Variants in KYNU observed in about 807,000 individuals in gnomAD.
KYNU encodes kynureninase, also known as L-kynurenine hydrolase.
A neutral mutation model predicts 59.2 loss-of-function variants in KYNU; 54 were observed. The ratio of observed to expected loss-of-function variants is 0.91; its 90% CI spans 0.73 to 1.14. The LOEUF is 1.14. Among genes scored for constraint, KYNU ranks in the 50% most tolerant of loss-of-function variants. The probability of loss-of-function intolerance (pLI) is 0.00; values close to 1 mark genes in which losing one functional copy is unlikely to be tolerated. For synonymous variants in KYNU, 177 were observed against 192.0 expected, an observed-to-expected ratio of 0.92 and a Z score of 0.65; for missense variants, 567 against 554.4, an observed-to-expected ratio of 1.02 and a Z score of -0.23.
chr2:142,878,135 A>G (rs1288234142), intron 1 of KYNU, among the ~76,000 whole-genome samples: 2 of 152,184 alleles, frequency 1.3e-5, no homozygotes, highest in African/African-American at 2.4e-5. Context: ...TAATTGTCTT[A>G]TGCTGCTAGT....
chr2:143,012,156 A>G (rs917641848), intron 10 of KYNU, among the ~76,000 whole-genome samples: 1 of 152,080 alleles, frequency 6.6e-6, no homozygotes. Context: ...GTTTCCTGCG[A>G]CAAAGGAGAA....
At chr2:142,940,112 A>ATATT (rs1320095036) in intron 4 of KYNU, among the ~76,000 whole-genome samples, 7 of 152,036 alleles carry the variant, frequency 4.6e-5, no homozygotes, top group Non-Finnish European at 2.9e-5. Context: ...AGTGTGCGAA[A>ATATT]TATTTGTGTA....
chr2:143,030,630 A>G (rs1686710897), intron 11 of KYNU, among the ~76,000 whole-genome samples: 6 of 152,006 alleles, frequency 3.9e-5, no homozygotes, highest in Admixed American at 3.9e-4. Context: ...GTGCACCACC[A>G]TGACTGGATG....
chr2:142,953,033 T>G (rs899403818), intron 4 of KYNU, among the ~76,000 whole-genome samples: 1 of 152,146 alleles, frequency 6.6e-6, no homozygotes, highest in East Asian at 1.9e-4. Flanking sequence ...GCAGTAAAAA[T>G]TCACTCTATA....
intron 4 of KYNU, chr2:142,954,207 A>T (rs1013306587): frequency 6.6e-6 from 1 of 152,256 alleles, no homozygotes; most frequent in Non-Finnish European, 1.5e-5. Flanking sequence ...TGGATATCTT[A>T]CTTTTGCATA....
intron 10 of KYNU, chr2:142,989,987 G>C (rs1414772390): frequency 6.6e-6 from 1 of 151,638 alleles, no homozygotes; most frequent in Non-Finnish European, 1.5e-5. Context: ...CAAAACCTAT[G>C]ACCTAAGGCT....
intron 10 of KYNU, chr2:142,989,681 A>T (rs1393741881): frequency 1.0e-5 from 2 of 196,184 alleles, no homozygotes; most frequent in South Asian, 1.8e-4. Flanking sequence ...ATAAAGAGGT[A>T]GAATGTGATG....
chr2:143,004,793 A>C (rs1685821064), intron 10 of KYNU, among the ~76,000 whole-genome samples: 1 of 152,218 alleles, frequency 6.6e-6, no homozygotes, highest in Non-Finnish European at 1.5e-5. Context: ...TAGTTAAACT[A>C]GGTACTACTA....
chr2:142,997,536 GA>G (rs1402076960), intron 10 of KYNU, among the ~76,000 whole-genome samples: 12 of 152,102 alleles, frequency 7.9e-5, no homozygotes, highest in Admixed American at 3.9e-4. Flanking sequence ...GGAAGAGAGA[GA>G]AGAGGAAAAG....
chr2:142,917,344 G>A (rs988420845), intron 2 of KYNU, among the ~76,000 whole-genome samples: 1 of 152,142 alleles, frequency 6.6e-6, no homozygotes, highest in Non-Finnish European at 1.5e-5. Flanking sequence ...CTCAAGGGTT[G>A]TGTAGAGAAA....
rs1349161272 is a variant in KYNU at position 143,045,515 on chromosome 2, T to TG, written c.*3345dup. ...TGTCCTCTCTGGTATCCTTGAGCAGTGGTTTGTAGTTCTCATTGAAGTAGT... is the reference window on the plus strand; with the variant it reads ...TGTCCTCTCTGGTATCCTTGAGCAGTGGGTTTGTAGTTCTCATTGAAGTAGT... On this transcript the variant is annotated 3_prime_UTR_variant, in exon 14 of 14. Coordinates refer to ENST00000264170, the MANE Select transcript of KYNU (RefSeq NM_003937.3). 1 of 152,158 alleles carries TG rather than the reference T, an allele frequency of 6.6e-6. No homozygotes were observed. Among genetic ancestry groups the TG allele is most frequent in the African/African-American group, 2.4e-5 (1 of 41,432 alleles). 9.4% of individuals were successfully genotyped at this position (152,158 alleles called of 1,614,324 possible). A position where few individuals can be genotyped will look rare whatever the true frequency, so the allele number is the denominator to read the frequency against.
At chr2:142,996,343 G>A (rs1685545381) in intron 10 of KYNU, among the ~76,000 whole-genome samples, 1 of 152,082 alleles carries the variant, frequency 6.6e-6, no homozygotes, top group Non-Finnish European at 1.5e-5. Context: ...AAGTTAGTAT[G>A]TTTACCGAAC....
chr2:142,951,894 C>A (rs568344184), intron 4 of KYNU, among the ~76,000 whole-genome samples: 2 of 152,210 alleles, frequency 1.3e-5, no homozygotes, highest in Non-Finnish European at 2.9e-5. Flanking sequence ...TGTGAGGAGG[C>A]CATTGAAAGT....
intron 10 of KYNU, among the ~76,000 whole-genome samples, chr2:143,000,932 C>T (rs1685695388): frequency 6.6e-6 from 1 of 152,074 alleles, no homozygotes; most frequent in African/African-American, 2.4e-5. Context: ...ATATTCATGT[C>T]GATAAAACTG....
At chr2:142,959,127 TCACA>T (rs148878212) in intron 7 of KYNU, among the ~76,000 whole-genome samples, 3 of 150,322 alleles carry the variant, frequency 2.0e-5, no homozygotes, top group African/African-American at 7.3e-5. Context: ...ACATACACAC[TCACA>T]CACACACACA....
At chr2:142,970,267 G>A (rs1028918555) in intron 8 of KYNU, among the ~76,000 whole-genome samples, 10 of 152,124 alleles carry the variant, frequency 6.6e-5, no homozygotes, top group African/African-American at 2.4e-4. Context: ...AGGGTGGTGA[G>A]CAAAGAAGAT....
chr2:142,977,320 G>A (rs1684917805), intron 8 of KYNU, among the ~76,000 whole-genome samples: 1 of 145,356 alleles, frequency 6.9e-6, no homozygotes, highest in African/African-American at 2.6e-5. Flanking sequence ...TAAAATGTGA[G>A]CATTTAGAAT....
chr2:142,964,195 G>C (rs972927924), intron 8 of KYNU, among the ~76,000 whole-genome samples: 1 of 151,396 alleles, frequency 6.6e-6, no homozygotes, highest in East Asian at 1.9e-4. Context: ...ATTTAGGGTA[G>C]ATATTTGGAT....
At chr2:142,881,045 A>G (rs925416674) in intron 1 of KYNU, among the ~76,000 whole-genome samples, 2 of 152,260 alleles carry the variant, frequency 1.3e-5, no homozygotes, top group African/African-American at 4.8e-5. Flanking sequence ...TGCCTGAGAC[A>G]TCCTAACAGG....
Sources: gnomAD v4.1 joint callset for allele counts (sites outside exome capture counted in the v4.1 genomes callset) on GRCh38, gnomAD v4.1.1 for gene constraint, MANE v1.5 for transcripts, NCBI Gene and HGNC (gene_info 2026-07-23, HGNC 2026-07-21) for gene names.